The following LAMB1 variants were observed in gnomAD, a reference collection of about 807,000 sequenced individuals.
LAMB1 encodes laminin subunit beta-1.
LAMB1 carries 121 observed loss-of-function variants against 222.3 expected under a neutral mutation model. That is an observed-to-expected ratio of 0.54 (90% CI 0.47 to 0.63). LAMB1 has a LOEUF of 0.63. Ranked by LOEUF, LAMB1 falls within the 30% of genes least tolerant of loss-of-function variation. The pLI is 0.00. For missense variants in LAMB1, 2,172 were observed against 2,240.8 expected (o/e 0.97, Z 0.62); for synonymous variants, 794 against 807.2 (o/e 0.98, Z 0.28).
At chr7:107,993,419 C>A (rs1178657899) in intron 5 of LAMB1, among the ~76,000 whole-genome samples, 2 of 152,178 alleles carry the variant, frequency 1.3e-5, no homozygotes, top group Non-Finnish European at 2.9e-5. Context: ...CAGGTGTGAG[C>A]CACCACGCCT....
At chr7:107,950,266 A>G (rs749005372) in intron 24 of LAMB1, among the ~76,000 whole-genome samples, 1 of 152,222 alleles carries the variant, frequency 6.6e-6, no homozygotes, top group African/African-American at 2.4e-5. Context: ...ACAGAGACCT[A>G]TAATTTCAGA....
intron 5 of LAMB1, among the ~76,000 whole-genome samples, chr7:107,986,632 C>T (rs1367030823): frequency 6.6e-6 from 1 of 152,154 alleles, no homozygotes; most frequent in Admixed American, 6.6e-5. Context: ...TATAAACAGG[C>T]CTAAATAGCA....
In LAMB1 at chr7:107,929,638, T is replaced by A; in HGVS notation, c.4538-19A>T. ...CTATCCTCTGTGAAAAGCAAAGATG[T>A]CCCCAAAAAGAGGTGAAAAGAATAG... On this transcript the variant is annotated intron_variant, in intron 29 of 33. Coordinates refer to ENST00000222399, the MANE Select transcript of LAMB1 (RefSeq NM_002291.3). 1.2e-6 allele frequency: 2 copies of A among 1,602,890 alleles called. No homozygotes were observed. Among genetic ancestry groups the A allele is most frequent in the Non-Finnish European group, 1.7e-6 (2 of 1,170,204 alleles).
Position 107,929,872 on chromosome 7 carries a change from G to T in LAMB1, c.4538-253C>A. ...AGGCTGGGTAGTGAGGGAAACCTTC[G>T]TGGAAGATGAGGAGCTGATCAGATT... On this transcript the variant is annotated intron_variant, in intron 29 of 33. Transcript: ENST00000222399. 7.6e-6 allele frequency: 4 copies of T among 528,542 alleles called. No homozygotes were observed. In the South Asian group the frequency reaches 8.8e-5, roughly 12 times the overall value. The allele number at this position is 528,542 out of a possible 1,614,324, so 32.7% of individuals were successfully genotyped here. A position where few individuals can be genotyped will look rare whatever the true frequency, so the allele number is the denominator to read the frequency against.
chr7:107,977,224 T>C (rs1315918710), intron 9 of LAMB1, among the ~76,000 whole-genome samples: 2 of 152,020 alleles, frequency 1.3e-5, no homozygotes, highest in Non-Finnish European at 2.9e-5. Context: ...ACTTCTATAA[T>C]AGTCCTTCTC....
At chr7:107,967,919 T>C (rs13247770) in intron 13 of LAMB1, among the ~76,000 whole-genome samples, 56,356 of 151,884 alleles carry the variant, frequency 0.37, 11,266 homozygotes, top group Middle Eastern at 0.5. Context: ...ATTCATCTGA[T>C]TGAGAAGACT....
At chr7:108,001,826 G>C in intron 2 of LAMB1, 93 bp from the exon 3 acceptor site, 1 of 1,557,284 alleles carries the variant, frequency 6.4e-7, no homozygotes, top group Non-Finnish European at 8.7e-7. Flanking sequence ...AGTGGGTGCG[G>C]AGAGAGGACA....
chr7:107,946,903 C>T (rs2033128504), intron 24 of LAMB1, among the ~76,000 whole-genome samples: 1 of 152,208 alleles, frequency 6.6e-6, no homozygotes, highest in African/African-American at 2.4e-5. Context: ...ACCCTCTTGC[C>T]TATGCCCCAC....
intron 24 of LAMB1, among the ~76,000 whole-genome samples, chr7:107,943,669 G>T (rs1263885423): frequency 2.0e-5 from 3 of 151,948 alleles, no homozygotes; most frequent in Non-Finnish European, 4.4e-5. Flanking sequence ...GTCTGGGTGG[G>T]GCCCAGAACT....
chr7:107,943,997 G>GTCTA lies in LAMB1; in HGVS notation c.3392-3640_3392-3639insTAGA, dbSNP rs537821544. 7.2e-4 allele frequency among the ~76,000 whole-genome samples: 110 copies of GTCTA among 152,300 alleles called. 1 individual carries two copies. The highest frequency in any genetic ancestry group is 2.5e-3 in the African/African-American group (105 of 41,568). On this transcript the variant is annotated intron_variant, in intron 24 of 33. Transcript: ENST00000222399. The stretch of plus-strand genomic sequence containing the variant: ...GTAATAAAACTTACCTTGTCTACCA[G>GTCTA]CCAGTGGTCAGGGTGAGGCAGCCCT...
intron 24 of LAMB1, among the ~76,000 whole-genome samples, chr7:107,944,233 T>G (rs1037413974): frequency 3.9e-5 from 6 of 152,258 alleles, no homozygotes; most frequent in Non-Finnish European, 8.8e-5. Flanking sequence ...GTGATCATTT[T>G]TCATTTATTT....
chr7:107,959,411 A>C lies in LAMB1; in HGVS notation c.2528T>G (p.Phe843Cys), dbSNP rs563967018. Reference sequence around the variant, plus strand: ...ACACTGCCGAGCATACACTCCCTGGAAACAGTGGCACTGGCCAGTGACGGG... The same window carrying C: ...ACACTGCCGAGCATACACTCCCTGGCAACAGTGGCACTGGCCAGTGACGGG... The part of the protein sequence containing the change: ...CNPVTGQCHC[F>C]QGVYARQCDR... The change falls in exon 20 of 34, where the codon TTC (phenylalanine) becomes TGC (cysteine). Residue 843 changes from phenylalanine to cysteine, a missense_variant. Phe to Cys is a radical substitution (Grantham distance 205). Coordinates refer to ENST00000222399, the MANE Select transcript of LAMB1 (RefSeq NM_002291.3). 1.2e-6 allele frequency: 2 copies of C among 1,614,242 alleles called. No homozygotes were observed. The highest frequency in any genetic ancestry group is 1.3e-5 in the African/African-American group (1 of 75,054).
chr7:107,962,996 A>T lies in LAMB1; in HGVS notation c.1766T>A (p.Val589Asp). Reference sequence around the variant, plus strand: ...CAAATAAGCCCCTTCAGGCACTCGGACGAAGCCGGCTCCAGTCCAGGAGGG... The same window carrying T: ...CAAATAAGCCCCTTCAGGCACTCGGTCGAAGCCGGCTCCAGTCCAGGAGGG... ...RIPSWTGAGF[V>D]RVPEGAYLEF... Residue 589 changes from valine (V) to aspartate (D), a missense_variant, in exon 15 of 34, where the codon GTC (valine) becomes GAC (aspartate). Transcript: ENST00000222399. 6.2e-7 allele frequency: 1 copy of T among 1,614,068 alleles called. No individual in the cohort carries two copies. The highest frequency in any genetic ancestry group is 8.5e-7 in the Non-Finnish European group (1 of 1,179,946).
chr7:107,973,387 T>C (rs2033788513), intron 12 of LAMB1, among the ~76,000 whole-genome samples: 1 of 152,180 alleles, frequency 6.6e-6, no homozygotes, highest in South Asian at 2.1e-4. Context: ...ATAATTACTC[T>C]GGCTGTAAGA....
intron 18 of LAMB1, 142 bp from the exon 19 acceptor site, chr7:107,959,976 G>C (rs1474539491): frequency 2.1e-5 from 25 of 1,186,292 alleles, no homozygotes; most frequent in African/African-American, 1.5e-5. Context: ...CGGAAGGGAA[G>C]AAAGGGGAGG....
intron 13 of LAMB1, among the ~76,000 whole-genome samples, chr7:107,971,812 G>A (rs1407075744): frequency 6.6e-6 from 1 of 152,188 alleles, no homozygotes; most frequent in Non-Finnish European, 1.5e-5. Context: ...GGAAGGGAGT[G>A]TAGGAACAAA....
Position 107,975,357 on chromosome 7 carries a change from C to T in LAMB1, c.1246G>A (p.Asp416Asn). The change falls in exon 11 of 34, where the codon GAT (aspartate) becomes AAT (asparagine). Residue 416 changes from aspartate to asparagine, a missense_variant. Coordinates refer to ENST00000222399, the MANE Select transcript of LAMB1 (RefSeq NM_002291.3). ...CCAGCAATGAGACCAGTAGAAAAATCAGTATAGCTGTCACAAATTCCCTCA... is the reference window on the plus strand; with the variant it reads ...CCAGCAATGAGACCAGTAGAAAAATTAGTATAGCTGTCACAAATTCCCTCA... ...QNEGICDSYT[D>N]FSTGLIAGQC... 1 of 1,614,080 alleles carries T rather than the reference C, an allele frequency of 6.2e-7. No individual in the cohort carries two copies. The highest frequency in any genetic ancestry group is 1.3e-5 in the African/African-American group (1 of 75,038).
intron 7 of LAMB1, among the ~76,000 whole-genome samples, chr7:107,985,377 A>G (rs945360660): frequency 6.6e-6 from 1 of 152,202 alleles, no homozygotes; most frequent in Non-Finnish European, 1.5e-5. Flanking sequence ...TAATCCCAGC[A>G]CTTTGGGAGG....
chr7:107,975,487 C>T (rs1562999135), intron 10 of LAMB1, 74 bp from the exon 11 acceptor site: 1 of 1,393,428 alleles, frequency 7.2e-7, no homozygotes, highest in South Asian at 1.4e-5. Context: ...ACATATATTC[C>T]CTTCCTCCCT....
Sources: gnomAD v4.1 joint callset for allele counts (sites outside exome capture counted in the v4.1 genomes callset) on GRCh38, gnomAD v4.1.1 for gene constraint, MANE v1.5 for transcripts, NCBI Gene and HGNC (gene_info 2026-07-23, HGNC 2026-07-21) for gene names.